Variants in PDE4D observed in about 807,000 individuals in gnomAD.
PDE4D encodes the protein phosphodiesterase 4D.
A neutral mutation model predicts 87.4 loss-of-function variants in PDE4D; 24 were observed. The ratio of observed to expected loss-of-function variants is 0.27; its 90% CI spans 0.20 to 0.39. The LOEUF is 0.39. Ranked by LOEUF, PDE4D falls within the 10% of genes least tolerant of loss-of-function variation. The pLI is 1.00. For synonymous variants in PDE4D, 384 were observed against 383.2 expected (o/e 1.00, Z -0.02); for missense variants, 714 against 1,041.0 (o/e 0.69, Z 4.32).
intron 5 of PDE4D, among the ~76,000 whole-genome samples, chr5:59,049,095 G>T (rs766240163): frequency 1.6e-4 from 24 of 152,020 alleles, no homozygotes; most frequent in Non-Finnish European, 3.1e-4. Flanking sequence ...TTACATCTAA[G>T]ACTATCCCAT....
At chr5:60,286,570 G>T (rs1399314380) in intron 1 of PDE4D, among the ~76,000 whole-genome samples, 7 of 152,082 alleles carry the variant, frequency 4.6e-5, no homozygotes, top group Admixed American at 3.3e-4. Context: ...GGTTATTTTT[G>T]AAACTCCAGC....
At chr5:59,775,152 C>T (rs1763953569) in intron 1 of PDE4D, among the ~76,000 whole-genome samples, 1 of 152,068 alleles carries the variant, frequency 6.6e-6, no homozygotes, top group East Asian at 1.9e-4. Flanking sequence ...CCCCAGAATG[C>T]CCTCTCTAAA....
At chr5:59,706,695 C>T (rs1314853739) in intron 1 of PDE4D, among the ~76,000 whole-genome samples, 2 of 152,006 alleles carry the variant, frequency 1.3e-5, no homozygotes, top group Admixed American at 6.6e-5. Context: ...GGACATAACC[C>T]ATATTTATAG....
At chr5:59,233,999 A>C (rs7707973) in intron 1 of PDE4D, among the ~76,000 whole-genome samples, 1 of 152,184 alleles carries the variant, frequency 6.6e-6, no homozygotes, top group South Asian at 2.1e-4. Flanking sequence ...TTGACTTGCC[A>C]GGTCCACAGC....
At chr5:59,738,355 T>C (rs1758372695) in intron 1 of PDE4D, among the ~76,000 whole-genome samples, 1 of 152,152 alleles carries the variant, frequency 6.6e-6, no homozygotes, top group Non-Finnish European at 1.5e-5. Context: ...CAAAAAGAGT[T>C]CCTTTCCCCA....
chr5:59,147,876 T>C (rs964640579), intron 5 of PDE4D, among the ~76,000 whole-genome samples: 2 of 152,196 alleles, frequency 1.3e-5, no homozygotes, highest in African/African-American at 2.4e-5. Flanking sequence ...TGTAGAGTTT[T>C]TACTTAACCT....
chr5:59,061,450 G>A (rs1018454020), intron 5 of PDE4D, among the ~76,000 whole-genome samples: 36 of 152,066 alleles, frequency 2.4e-4, no homozygotes, highest in Non-Finnish European at 3.8e-4. Context: ...ATGAATAAAC[G>A]AAGAGTTTGC....
intron 5 of PDE4D, among the ~76,000 whole-genome samples, chr5:59,125,068 AAATGCTGAGGC>A (rs1429981356): frequency 2.0e-5 from 3 of 152,130 alleles, no homozygotes; most frequent in Non-Finnish European, 4.4e-5. Flanking sequence ...TGAAATGTTC[AAATGCTGAGGC>A]AAGGCCTGTA....
intron 1 of PDE4D, among the ~76,000 whole-genome samples, chr5:60,251,394 G>T (rs750386527): frequency 6.6e-6 from 1 of 151,788 alleles, no homozygotes; most frequent in South Asian, 2.1e-4. Flanking sequence ...AGTGTTTGTT[G>T]TTCTCCTCTA....
chr5:60,004,925 C>T (rs999913114), intron 2 of PDE4D, among the ~76,000 whole-genome samples: 4 of 152,006 alleles, frequency 2.6e-5, no homozygotes, highest in African/African-American at 4.8e-5. Flanking sequence ...ATAGAGATAC[C>T]ATATGATCCA....
At chr5:60,262,892 T>G (rs551218206) in intron 1 of PDE4D, among the ~76,000 whole-genome samples, 1 of 152,304 alleles carries the variant, frequency 6.6e-6, no homozygotes, top group African/African-American at 2.4e-5. Flanking sequence ...AAGGTTTGCC[T>G]CAACTTTCTA....
intron 1 of PDE4D, among the ~76,000 whole-genome samples, chr5:59,541,894 G>A (rs1263075119): frequency 1.3e-5 from 2 of 152,106 alleles, no homozygotes; most frequent in African/African-American, 2.4e-5. Flanking sequence ...AGGGGTGACT[G>A]CTGGCTTCTG....
In PDE4D at chr5:59,924,179, A is replaced by G. The variant is rs2937402; in HGVS notation, c.272+64309T>C. Among the ~76,000 whole-genome samples, 696 of 152,062 alleles carry G rather than the reference A, an allele frequency of 4.6e-3. 19 individuals carry two copies. In the East Asian group the frequency reaches 0.087, roughly 19 times the overall value. The stretch of plus-strand genomic sequence containing the variant: ...TTATTTGAAAGTACACAGTCAGAAG[A>G]GACAAAAGAAAGAAAAACAAACAAA... On this transcript the variant is annotated intron_variant, in intron 3 of 16. Transcript: ENST00000502484.
intron 1 of PDE4D, among the ~76,000 whole-genome samples, chr5:60,306,140 C>T (rs1014169194): frequency 7.9e-5 from 12 of 151,990 alleles, no homozygotes; most frequent in Non-Finnish European, 1.6e-4. Context: ...AAGACGTACA[C>T]ATAATCCAGT....
At chr5:60,380,461 A>C (rs566208566) in intron 1 of PDE4D, among the ~76,000 whole-genome samples, 29 of 152,344 alleles carry the variant, frequency 1.9e-4, no homozygotes, top group African/African-American at 7.0e-4. Context: ...GCAAAATTTT[A>C]AGAGCCATTT....
At chr5:59,252,051 C>G (rs1360723164) in intron 1 of PDE4D, among the ~76,000 whole-genome samples, 1 of 151,932 alleles carries the variant, frequency 6.6e-6, no homozygotes, top group African/African-American at 2.4e-5. Flanking sequence ...AGGAGAGGAG[C>G]AGAAAAGATA....
At position 58,971,310 on chromosome 5, in the gene PDE4D, A is replaced by G. The variant is rs754780759; in HGVS notation, c.*3354T>C. On this transcript the variant is annotated 3_prime_UTR_variant, in exon 15 of 15. Transcript: ENST00000340635. ...AAACAAGCTCTAAGGTGACAAGACT[A>G]TATTACAGGAGAAAAGAAAAATGTA... 6.6e-5 allele frequency: 10 copies of G among 152,646 alleles called. No homozygotes were observed. The highest frequency in any genetic ancestry group is 1.5e-4 in the Non-Finnish European group (10 of 68,034). The allele number at this position is 152,646 out of a possible 1,614,324, so 9.5% of individuals were successfully genotyped here. A position where few individuals can be genotyped will look rare whatever the true frequency, so the allele number is the denominator to read the frequency against.
chr5:59,888,657 G>T (rs954117135), intron 1 of PDE4D, among the ~76,000 whole-genome samples: 1 of 151,736 alleles, frequency 6.6e-6, no homozygotes, highest in Admixed American at 6.6e-5. Context: ...TAAAGATACT[G>T]TTTCCTAAAT....
At chr5:59,250,326 A>C (rs1267353981) in intron 1 of PDE4D, among the ~76,000 whole-genome samples, 4 of 149,500 alleles carry the variant, frequency 2.7e-5, no homozygotes, top group South Asian at 2.1e-4. Context: ...AAAAAAAAAC[A>C]AAAAAAATTA....
Sources: allele counts gnomAD v4.1 joint callset (sites outside exome capture counted in the v4.1 genomes callset), GRCh38; gene constraint gnomAD v4.1.1; transcripts MANE v1.5; gene names NCBI Gene and HGNC (gene_info 2026-07-23, HGNC 2026-07-21).